Variants in OPN5 observed in about 807,000 individuals in gnomAD.
The protein encoded by OPN5 is opsin 5.
A neutral mutation model predicts 41.7 loss-of-function variants in OPN5; 18 were observed. The ratio of observed to expected loss-of-function variants is 0.43; its 90% CI spans 0.30 to 0.64. The LOEUF (loss-of-function observed/expected upper bound fraction) is 0.64. Among genes scored for constraint, OPN5 ranks in the 30% least tolerant of loss-of-function variants. OPN5 has a pLI of 0.13. For synonymous variants in OPN5, 178 were observed against 164.3 expected (o/e 1.08, Z -0.64); for missense variants, 318 against 434.5 (o/e 0.73, Z 2.38).
In OPN5 at chr6:47,811,602, G is replaced by A. The variant is rs41273688; in HGVS notation, c.999-72G>A. 4 of 891,050 alleles carry A rather than the reference G, an allele frequency of 4.5e-6. No homozygotes were observed. In the South Asian group the frequency reaches 5.9e-5, roughly 13 times the overall value. The allele number at this position is 891,050 out of a possible 1,614,324, so 55.2% of individuals were successfully genotyped here. A position where few individuals can be genotyped will look rare whatever the true frequency, so the allele number is the denominator to read the frequency against. On this transcript the variant is annotated intron_variant, in intron 5 of 6. Transcript: ENST00000371211. ...AGTCGTTTGACATATACATATGTAT[G>A]TATATGTACATATGTATTTATGTGT...
chr6:47,796,619 C>G (rs1481404990), intron 4 of OPN5, among the ~76,000 whole-genome samples: 1 of 152,066 alleles, frequency 6.6e-6, no homozygotes, highest in Admixed American at 6.6e-5. Context: ...CAATCAATCA[C>G]GTTGATTGGT....
intron 6 of OPN5, among the ~76,000 whole-genome samples, 153 bp from the exon 7 acceptor site, chr6:47,823,830 C>CG (rs939759163): frequency 6.6e-5 from 10 of 152,038 alleles, no homozygotes; most frequent in Admixed American, 6.6e-4. Flanking sequence ...TCTGTGGGTT[C>CG]GGGGAGAAGC....
chr6:47,811,185 C>T (rs960033767), intron 5 of OPN5, among the ~76,000 whole-genome samples: 1 of 152,024 alleles, frequency 6.6e-6, no homozygotes, highest in African/African-American at 2.4e-5. Flanking sequence ...ACTGGGGGTT[C>T]GAACATTTGA....
chr6:47,815,948 C>A (rs1762416367), intron 6 of OPN5, among the ~76,000 whole-genome samples: 1 of 152,136 alleles, frequency 6.6e-6, no homozygotes, highest in South Asian at 2.1e-4. Context: ...TTTGAACCCT[C>A]TTTCCTTAGC....
intron 6 of OPN5, among the ~76,000 whole-genome samples, chr6:47,822,933 C>T (rs879542864): frequency 4.6e-5 from 7 of 152,174 alleles, no homozygotes; most frequent in African/African-American, 4.8e-5. Context: ...ATAAGACTTT[C>T]CTCTCCTGTT....
intron 4 of OPN5, among the ~76,000 whole-genome samples, chr6:47,797,065 C>T (rs563541712): frequency 6.6e-6 from 1 of 152,250 alleles, no homozygotes; most frequent in African/African-American, 2.4e-5. Context: ...TGAGAAAGTC[C>T]TGCCCCCATG....
chr6:47,822,786 T>C (rs546473118), intron 6 of OPN5, among the ~76,000 whole-genome samples: 1 of 152,370 alleles, frequency 6.6e-6, no homozygotes, highest in East Asian at 1.9e-4. Context: ...ATTACAGGTT[T>C]TTTTATACCG....
At chr6:47,788,806 G>GGA (rs1554139116) in intron 2 of OPN5, among the ~76,000 whole-genome samples, 2 of 128 alleles carry the variant, frequency 0.016, no homozygotes, top group Admixed American at 0.17. Context: ...AGGATAACCT[G>GGA]GGGGGGGGCG....
chr6:47,799,267 A>G (rs747853368), intron 4 of OPN5, among the ~76,000 whole-genome samples: 59 of 151,906 alleles, frequency 3.9e-4, no homozygotes, highest in Non-Finnish European at 8.2e-4. Context: ...ACATATACAT[A>G]TGATTATATT....
intron 6 of OPN5, among the ~76,000 whole-genome samples, chr6:47,821,078 G>T (rs182964906): frequency 6.6e-6 from 1 of 152,290 alleles, no homozygotes; most frequent in African/African-American, 2.4e-5. Flanking sequence ...TTGTCTTCAC[G>T]TTGAGTAGGA....
intron 2 of OPN5, among the ~76,000 whole-genome samples, chr6:47,789,991 GA>G (rs781719151): frequency 3.1e-4 from 45 of 147,318 alleles, no homozygotes; most frequent in East Asian, 7.9e-4. Flanking sequence ...TCTAGAAAGT[GA>G]AAAAAAAAAT....
chr6:47,795,986 C>G (rs537212971), intron 4 of OPN5, among the ~76,000 whole-genome samples: 1 of 152,274 alleles, frequency 6.6e-6, no homozygotes, highest in Admixed American at 6.5e-5. Context: ...TCATTAGGGA[C>G]ATTCTACCAC....
chr6:47,804,085 T>C (rs1773873070), intron 4 of OPN5, among the ~76,000 whole-genome samples: 1 of 152,222 alleles, frequency 6.6e-6, no homozygotes, highest in Non-Finnish European at 1.5e-5. Context: ...ACAACACTGC[T>C]TTTGTGACAC....
chr6:47,818,899 A>G (rs1313576845), intron 6 of OPN5, among the ~76,000 whole-genome samples: 3 of 152,088 alleles, frequency 2.0e-5, no homozygotes, highest in African/African-American at 7.2e-5. Flanking sequence ...GGGAGAGTGG[A>G]GGAAATGTGA....
At chr6:47,812,832 C>T (rs114417742) in intron 6 of OPN5, among the ~76,000 whole-genome samples, 10 of 152,210 alleles carry the variant, frequency 6.6e-5, no homozygotes, top group Admixed American at 2.0e-4. Flanking sequence ...GCAAGAACAG[C>T]GAATAGGGGA....
At chr6:47,802,851 G>C (rs1773827638) in intron 4 of OPN5, among the ~76,000 whole-genome samples, 1 of 152,156 alleles carries the variant, frequency 6.6e-6, no homozygotes, top group African/African-American at 2.4e-5. Context: ...CTAATTTACT[G>C]CCTCTCTTTT....
exon 7 of OPN5, chr6:47,824,234 C>T (rs116438099): frequency 4.0e-5 from 22 of 555,898 alleles, no homozygotes; most frequent in Non-Finnish European, 7.1e-5. Context: ...TGCCAGAAAC[C>T]CACGCTTTAA....
intron 2 of OPN5, 78 bp downstream of exon 2, chr6:47,786,712 C>T (rs1773204069): frequency 8.0e-7 from 1 of 1,248,286 alleles, no homozygotes; most frequent in South Asian, 1.4e-5. Context: ...TCAAACGTCA[C>T]CCCCTGACAT....
exon 7 of OPN5, chr6:47,824,238 G>A (rs45617338): frequency 1.0e-4 from 56 of 554,338 alleles, no homozygotes; most frequent in Non-Finnish European, 1.6e-4. Context: ...AGAAACCCAC[G>A]CTTTAAACAT....
Sources: allele counts gnomAD v4.1 joint callset (sites outside exome capture counted in the v4.1 genomes callset), GRCh38; gene constraint gnomAD v4.1.1; transcripts MANE v1.5; gene names NCBI Gene and HGNC (gene_info 2026-07-23, HGNC 2026-07-21).